The following MAPRE2 variants were observed in gnomAD, a reference collection of about 807,000 sequenced individuals.
MAPRE2 encodes the protein microtubule-associated protein RP/EB family member 2.
A neutral mutation model predicts 43.2 loss-of-function variants in MAPRE2; 13 were observed. The ratio of observed to expected loss-of-function variants is 0.30; its 90% confidence interval spans 0.20 to 0.48. The LOEUF is 0.48. MAPRE2 is among the 20% of genes least tolerant of loss of function. MAPRE2 has a pLI of 0.99. For missense variants in MAPRE2, 161 were observed against 400.2 expected, an observed-to-expected ratio of 0.40 and a Z score of 5.10; for synonymous variants, 135 against 148.8, an observed-to-expected ratio of 0.91 and a Z score of 0.68.
rs111723721 is a variant in MAPRE2, at chr18:35,057,443, T to C, written c.123-12752T>C. Among the ~76,000 whole-genome samples the C allele has an allele frequency of 6.2e-4, 94 of 152,104 alleles. 2 individuals are homozygous for C. The highest frequency in any genetic ancestry group is 1.8e-3 in the African/African-American group (73 of 41,480). On this transcript the variant is annotated intron_variant, in intron 1 of 6. Transcript: ENST00000300249. ...CACTGATGCTAGAAATGTTGTAACT[T>C]TACGTTTGACCTGTGACAAGGTAGT...
At chr18:35,137,631 T>C (rs1910446094) in intron 6 of MAPRE2, among the ~76,000 whole-genome samples, 1 of 152,132 alleles carries the variant, frequency 6.6e-6, no homozygotes, top group African/African-American at 2.4e-5. Context: ...AGCAATACAA[T>C]ATGGAAGACA....
At chr18:35,037,079 C>A (rs1034249602), upstream of MAPRE2, among the ~76,000 whole-genome samples, 1 of 152,146 alleles carries the variant, frequency 6.6e-6, no homozygotes, top group African/African-American at 2.4e-5. Context: ...ATTGCTGTAG[C>A]ACTTGTGTTG....
chr18:35,073,545 A>G (rs1309732463), intron 2 of MAPRE2, among the ~76,000 whole-genome samples: 1 of 152,138 alleles, frequency 6.6e-6, no homozygotes, highest in Non-Finnish European at 1.5e-5. Context: ...ATACTTTCTC[A>G]TATTTAAAAT....
At chr18:35,030,825 A>C (rs757102226) in intron 2 of MAPRE2, among the ~76,000 whole-genome samples, 5 of 152,088 alleles carry the variant, frequency 3.3e-5, no homozygotes, top group Non-Finnish European at 5.9e-5. Flanking sequence ...TCCCCACAAT[A>C]CGCACACATT....
chr18:34,982,612 C>T (rs1368795726), intron 1 of MAPRE2, among the ~76,000 whole-genome samples: 1 of 152,140 alleles, frequency 6.6e-6, no homozygotes, highest in Admixed American at 6.5e-5. Flanking sequence ...TCCAAATTTG[C>T]AAGATTTGAG....
chr18:35,122,820 G>T (rs945459999), intron 4 of MAPRE2, among the ~76,000 whole-genome samples: 5 of 152,222 alleles, frequency 3.3e-5, no homozygotes, highest in African/African-American at 1.2e-4. Flanking sequence ...TGCCTGATTC[G>T]TGAGCACAGA....
intron 2 of MAPRE2, among the ~76,000 whole-genome samples, chr18:35,020,451 G>A (rs1420013056): frequency 1.3e-5 from 2 of 151,860 alleles, no homozygotes; most frequent in Middle Eastern, 3.2e-3. Flanking sequence ...GTCAGGTAAT[G>A]CCATTCATGC....
At chr18:34,980,038 T>TC (rs1451559483) in intron 1 of MAPRE2, among the ~76,000 whole-genome samples, 3 of 34,860 alleles carry the variant, frequency 8.6e-5, no homozygotes, top group Middle Eastern at 0.012. Context: ...TTTCTTTTTT[T>TC]TTTTTTTTTT....
chr18:35,036,090 A>T (rs2097050434), intron 2 of MAPRE2, among the ~76,000 whole-genome samples: 1 of 151,538 alleles, frequency 6.6e-6, no homozygotes, highest in African/African-American at 2.4e-5. Context: ...GCAAAAGAAC[A>T]ATTTAATCTG....
intron 1 of MAPRE2, among the ~76,000 whole-genome samples, chr18:35,056,327 A>C (rs1007425290): frequency 6.6e-6 from 1 of 152,206 alleles, no homozygotes; most frequent in African/African-American, 2.4e-5. Context: ...TTATTATAAC[A>C]ATAGCTAAAG....
At chr18:34,978,314 C>G (rs555607308) in intron 1 of MAPRE2, 137 of 635,992 alleles carry the variant, frequency 2.2e-4, no homozygotes, top group Middle Eastern at 4.0e-4. Context: ...AAGGGTTAAG[C>G]GCTCAAACCC....
chr18:35,081,788 G>T (rs577208867), intron 2 of MAPRE2, among the ~76,000 whole-genome samples: 1 of 152,086 alleles, frequency 6.6e-6, no homozygotes, highest in Non-Finnish European at 1.5e-5. Context: ...GTGGACCGTG[G>T]GTTTGCGCTG....
intron 4 of MAPRE2, among the ~76,000 whole-genome samples, chr18:35,113,131 C>T (rs1033920478): frequency 6.6e-6 from 1 of 152,188 alleles, no homozygotes; most frequent in Non-Finnish European, 1.5e-5. Context: ...CACAAACATT[C>T]AGACTATAGC....
At chr18:35,121,415 C>A (rs1354509972) in intron 4 of MAPRE2, among the ~76,000 whole-genome samples, 3 of 152,072 alleles carry the variant, frequency 2.0e-5, no homozygotes, top group Non-Finnish European at 4.4e-5. Flanking sequence ...AAATCATGTC[C>A]AGTGAGCAAA....
At chr18:34,998,373 C>A (rs1329328812) in intron 1 of MAPRE2, among the ~76,000 whole-genome samples, 1 of 142,828 alleles carries the variant, frequency 7.0e-6, no homozygotes, top group African/African-American at 2.7e-5. Flanking sequence ...GTTGCCCAGG[C>A]TGGAGTGCAG....
intron 1 of MAPRE2, among the ~76,000 whole-genome samples, chr18:35,055,188 C>T (rs1436088928): frequency 1.3e-5 from 2 of 152,192 alleles, no homozygotes; most frequent in African/African-American, 2.4e-5. Flanking sequence ...GATCCTCTCA[C>T]AGTTGTGATG....
chr18:35,138,610 C>T (rs1187330949), intron 6 of MAPRE2, among the ~76,000 whole-genome samples: 5 of 152,168 alleles, frequency 3.3e-5, no homozygotes, highest in Non-Finnish European at 5.9e-5. Flanking sequence ...TTACCATGTG[C>T]CAAATACTCT....
intron 2 of MAPRE2, among the ~76,000 whole-genome samples, chr18:35,083,941 T>C (rs1433341627): frequency 1.3e-5 from 2 of 151,866 alleles, no homozygotes; most frequent in Non-Finnish European, 2.9e-5. Context: ...CTCTTTATTC[T>C]TCCATGATGT....
At chr18:35,098,845 G>A (rs961888227) in intron 3 of MAPRE2, among the ~76,000 whole-genome samples, 1 of 152,228 alleles carries the variant, frequency 6.6e-6, no homozygotes, top group Non-Finnish European at 1.5e-5. Context: ...GAATGGATGA[G>A]CAGTTGTTAA....
Sources: allele counts gnomAD v4.1 joint callset (sites outside exome capture counted in the v4.1 genomes callset), GRCh38; gene constraint gnomAD v4.1.1; transcripts MANE v1.5; gene names NCBI Gene and HGNC (gene_info 2026-07-23, HGNC 2026-07-21).